The following SH3RF2 variants were observed in gnomAD, a reference collection of about 807,000 sequenced individuals.
SH3RF2 encodes the protein E3 ubiquitin-protein ligase SH3RF2.
Under a neutral mutation model 59.0 loss-of-function variants are expected in SH3RF2, and 43 were observed. The ratio of observed to expected loss-of-function variants is 0.73; its 90% CI spans 0.57 to 0.94. The LOEUF (loss-of-function observed/expected upper bound fraction) is 0.94. Among genes scored for constraint, SH3RF2 ranks in the 40% least tolerant of loss-of-function variants. SH3RF2 has a pLI of 0.00. For missense variants in SH3RF2, 930 were observed against 940.1 expected (o/e 0.99, Z 0.14); for synonymous variants, 391 against 391.5 (o/e 1.00, Z 0.01).
At chr5:145,991,985 A>T (rs1759951556) in intron 2 of SH3RF2, among the ~76,000 whole-genome samples, 1 of 152,226 alleles carries the variant, frequency 6.6e-6, no homozygotes, top group Admixed American at 6.5e-5. Flanking sequence ...ATCCTACTCC[A>T]GGAGATTCTG....
At chr5:145,982,223 C>A (rs1341634302) in intron 2 of SH3RF2, among the ~76,000 whole-genome samples, 1 of 152,078 alleles carries the variant, frequency 6.6e-6, no homozygotes. Context: ...CCATAAGGCT[C>A]AGTCCTGCAG....
chr5:146,012,672 C>G (rs529244617), intron 4 of SH3RF2, among the ~76,000 whole-genome samples: 1 of 152,178 alleles, frequency 6.6e-6, no homozygotes, highest in South Asian at 2.1e-4. Flanking sequence ...AGGTAATCAT[C>G]CTAAAATTTA....
At chr5:146,074,116 T>G (rs1302619220) in intron 9 of SH3RF2, among the ~76,000 whole-genome samples, 1 of 148,570 alleles carries the variant, frequency 6.7e-6, no homozygotes, top group Non-Finnish European at 1.5e-5. Context: ...CTTGGCTCAC[T>G]GCAAGCTCCG....
downstream of SH3RF2, among the ~76,000 whole-genome samples, chr5:146,064,485 C>G (rs1270903551): frequency 6.7e-6 from 1 of 149,820 alleles, no homozygotes; most frequent in Non-Finnish European, 1.5e-5. Context: ...TTATTGCATG[C>G]CCATCAATGT....
intron 2 of SH3RF2, among the ~76,000 whole-genome samples, chr5:145,959,890 T>C (rs923210041): frequency 1.3e-5 from 2 of 151,344 alleles, no homozygotes; most frequent in Non-Finnish European, 2.9e-5. Flanking sequence ...TGGAGAGGAG[T>C]CTTCCCAGGT....
intron 2 of SH3RF2, among the ~76,000 whole-genome samples, chr5:145,984,553 C>T (rs1759628114): frequency 6.6e-6 from 1 of 152,196 alleles, no homozygotes; most frequent in African/African-American, 2.4e-5. Flanking sequence ...AAAATGATTG[C>T]AAATAACTTC....
intron 5 of SH3RF2, among the ~76,000 whole-genome samples, chr5:146,030,821 T>C (rs1761717964): frequency 1.3e-5 from 2 of 152,088 alleles, no homozygotes. Context: ...TTATATAAAA[T>C]TGTATTTTCA....
chr5:146,029,147 C>T (rs1292876479), intron 5 of SH3RF2, among the ~76,000 whole-genome samples: 2 of 152,218 alleles, frequency 1.3e-5, no homozygotes, highest in Non-Finnish European at 2.9e-5. Context: ...CACAGTCTTA[C>T]ATCCTCTGTG....
intron 5 of SH3RF2, among the ~76,000 whole-genome samples, chr5:146,035,475 T>A (rs1161877090): frequency 1.3e-5 from 2 of 152,148 alleles, no homozygotes; most frequent in Non-Finnish European, 2.9e-5. Context: ...CTAAACCAGA[T>A]GAAGGAATTT....
intron 5 of SH3RF2, among the ~76,000 whole-genome samples, chr5:146,045,886 A>G (rs1291013480): frequency 6.6e-6 from 1 of 152,236 alleles, no homozygotes; most frequent in Non-Finnish European, 1.5e-5. Context: ...ATGTTTAATC[A>G]TATTAGGAAT....
At chr5:146,039,647 T>C (rs1762059280) in intron 5 of SH3RF2, among the ~76,000 whole-genome samples, 1 of 152,242 alleles carries the variant, frequency 6.6e-6, no homozygotes, top group Non-Finnish European at 1.5e-5. Flanking sequence ...CATTCACTGC[T>C]GGTGGAAGTG....
chr5:146,036,231 C>A lies in SH3RF2; in HGVS notation c.1060-11541C>A, dbSNP rs1761931499. On this transcript the variant is annotated intron_variant, in intron 5 of 9. Coordinates refer to ENST00000359120, the MANE Select transcript of SH3RF2 (RefSeq NM_152550.4). ...AAACTCTGCTTTGAAAGCAGCAGGA[C>A]CCTTGGGCTCAGGAAAGCATGAGGT... 2.0e-5 allele frequency among the ~76,000 whole-genome samples: 3 copies of A among 152,104 alleles called. No homozygotes were observed. The South Asian group carries it at 6.2e-4, about 32-fold the overall frequency.
At chr5:146,055,870 G>A (rs1273619908) in intron 7 of SH3RF2, 111 bp from the exon 8 acceptor site, 1 of 1,220,596 alleles carries the variant, frequency 8.2e-7, no homozygotes, top group Non-Finnish European at 1.1e-6. Context: ...AAGGTGAGAA[G>A]TAGCCACATT....
At chr5:146,008,156 C>T (rs1760723250) in intron 4 of SH3RF2, among the ~76,000 whole-genome samples, 1 of 152,200 alleles carries the variant, frequency 6.6e-6, no homozygotes, top group Non-Finnish European at 1.5e-5. Flanking sequence ...CCAATGGAGC[C>T]TGCCTGGGTT....
intron 2 of SH3RF2, among the ~76,000 whole-genome samples, chr5:145,971,238 C>T (rs1561716885): frequency 6.6e-6 from 1 of 152,248 alleles, no homozygotes; most frequent in Non-Finnish European, 1.5e-5. Flanking sequence ...ACTCTTCCTA[C>T]CTGACTAAAG....
chr5:145,961,596 C>T (rs1758635297), intron 2 of SH3RF2, among the ~76,000 whole-genome samples: 1 of 152,186 alleles, frequency 6.6e-6, no homozygotes, highest in Non-Finnish European at 1.5e-5. Flanking sequence ...GGGCAGCCAC[C>T]TGGCCATGTT....
intron 4 of SH3RF2, among the ~76,000 whole-genome samples, chr5:146,008,915 T>G (rs1464490094): frequency 6.6e-6 from 1 of 152,240 alleles, no homozygotes; most frequent in African/African-American, 2.4e-5. Context: ...TTCTTTCATT[T>G]TGCATAAAGC....
intron 7 of SH3RF2, chr5:146,050,196 G>T (rs932889604): frequency 6.6e-5 from 10 of 152,272 alleles, no homozygotes; most frequent in African/African-American, 2.4e-4. Context: ...ACCTGTAGAA[G>T]ACAAGGGACA....
At chr5:146,030,588 T>C (rs1761706459) in intron 5 of SH3RF2, among the ~76,000 whole-genome samples, 1 of 152,208 alleles carries the variant, frequency 6.6e-6, no homozygotes, top group Non-Finnish European at 1.5e-5. Flanking sequence ...GACTAACCCC[T>C]AAACTATTTC....
Sources: allele counts gnomAD v4.1 joint callset (sites outside exome capture counted in the v4.1 genomes callset), GRCh38; gene constraint gnomAD v4.1.1; transcripts MANE v1.5; gene names NCBI Gene and HGNC (gene_info 2026-07-23, HGNC 2026-07-21).